TOX3: variants seen among roughly 807,000 people sequenced by gnomAD.
TOX3 encodes CAG trinucleotide repeat-containing gene F9 protein.
Under a neutral mutation model 64.3 loss-of-function variants are expected in TOX3, and 22 were observed. That is an observed-to-expected ratio of 0.34 (90% CI 0.24 to 0.49). The LOEUF is 0.49. TOX3 is among the 20% of genes least tolerant of loss of function. The pLI is 0.99. For missense variants in TOX3, 661 were observed against 714.4 expected (o/e 0.93, Z 0.85); for synonymous variants, 291 against 273.6 (o/e 1.06, Z -0.63).
intron 3 of TOX3, among the ~76,000 whole-genome samples, chr16:52,457,392 C>T (rs1016054306): frequency 2.0e-5 from 3 of 152,078 alleles, no homozygotes; most frequent in Non-Finnish European, 4.4e-5. Context: ...AATGCATCTT[C>T]TATCTATACT....
chr16:52,541,107 G>A (rs759481051), intron 1 of TOX3, among the ~76,000 whole-genome samples: 25 of 152,036 alleles, frequency 1.6e-4, no homozygotes, highest in Non-Finnish European at 3.2e-4. Flanking sequence ...GCCCAGCCCT[G>A]GGCCCATGAA....
chr16:52,470,704 C>T (rs975105016), intron 1 of TOX3, among the ~76,000 whole-genome samples: 5 of 152,246 alleles, frequency 3.3e-5, no homozygotes, highest in Non-Finnish European at 5.9e-5. Context: ...ACACTGGCAC[C>T]GCAGTGCACA....
chr16:52,466,288 G>A (rs1250021572), intron 2 of TOX3, among the ~76,000 whole-genome samples: 5 of 152,106 alleles, frequency 3.3e-5, no homozygotes, highest in Admixed American at 1.3e-4. Context: ...TCATGACACA[G>A]ATAGAAAACA....
chr16:52,502,053 G>C (rs1408313328), intron 1 of TOX3, among the ~76,000 whole-genome samples: 1 of 152,160 alleles, frequency 6.6e-6, no homozygotes, highest in East Asian at 1.9e-4. Flanking sequence ...GATTTCCCAG[G>C]TGGCTTAGTA....
At chr16:52,532,068 C>T (rs948041747) in intron 1 of TOX3, among the ~76,000 whole-genome samples, 20 of 152,148 alleles carry the variant, frequency 1.3e-4, no homozygotes, top group South Asian at 4.2e-4. Flanking sequence ...TTTGAACTGA[C>T]GGCAGACAGG....
chr16:52,523,681 C>T (rs778155214), intron 1 of TOX3, among the ~76,000 whole-genome samples: 1 of 152,146 alleles, frequency 6.6e-6, no homozygotes, highest in Non-Finnish European at 1.5e-5. Flanking sequence ...AACTAATACT[C>T]TATTTCACTG....
chr16:52,489,574 G>T lies in TOX3; in HGVS notation c.88-21000C>A, dbSNP rs570344018. 2.6e-5 allele frequency among the ~76,000 whole-genome samples: 4 copies of T among 152,146 alleles called. No homozygotes were observed. In the South Asian group the frequency reaches 8.3e-4, roughly 32 times the overall value. ...GCCAGTGGTCTTATCCCCTGGAAAG[G>T]TTCTCAGCTTCTTCTTAACACATCC... On this transcript the variant is annotated intron_variant, in intron 1 of 6. Transcript: ENST00000219746.
At chr16:52,523,673 C>T (rs1962662531) in intron 1 of TOX3, among the ~76,000 whole-genome samples, 1 of 152,142 alleles carries the variant, frequency 6.6e-6, no homozygotes, top group Non-Finnish European at 1.5e-5. Context: ...ATACTGCAAA[C>T]TAATACTCTA....
chr16:52,522,004 C>T (rs985937548), intron 1 of TOX3, among the ~76,000 whole-genome samples: 6 of 152,156 alleles, frequency 3.9e-5, no homozygotes, highest in African/African-American at 1.2e-4. Flanking sequence ...CTTCCATTTC[C>T]GTTTCTGTTA....
chr16:52,444,981 G>T (rs1005231460), intron 5 of TOX3: 1 of 152,142 alleles, frequency 6.6e-6, no homozygotes, highest in African/African-American at 2.4e-5. Flanking sequence ...ACATGATTTG[G>T]GCTTCTCCTT....
chr16:52,475,992 A>T (rs945291234), intron 1 of TOX3, among the ~76,000 whole-genome samples: 16 of 152,124 alleles, frequency 1.1e-4, no homozygotes, highest in Non-Finnish European at 2.1e-4. Context: ...TCCTTTTTTT[A>T]AAATAAACAT....
chr16:52,456,969 A>C (rs1331314236), intron 3 of TOX3, among the ~76,000 whole-genome samples: 3 of 152,198 alleles, frequency 2.0e-5, no homozygotes, highest in African/African-American at 7.2e-5. Context: ...GAAAGGTGAA[A>C]AACTTCCTTA....
chr16:52,485,271 T>TATATATATATAC (rs1438971784), intron 1 of TOX3, among the ~76,000 whole-genome samples: 159 of 145,562 alleles, frequency 1.1e-3, no homozygotes, highest in African/African-American at 3.9e-3. Flanking sequence ...TATATATATA[T>TATATATATATAC]ACATATCTCC....
At chr16:52,471,282 T>C (rs1429131903) in intron 1 of TOX3, among the ~76,000 whole-genome samples, 2 of 152,180 alleles carry the variant, frequency 1.3e-5, no homozygotes, top group Non-Finnish European at 2.9e-5. Flanking sequence ...GTATTTTCAT[T>C]TGATTACCTT....
At chr16:52,440,822 G>A (rs985590498) in intron 6 of TOX3, among the ~76,000 whole-genome samples, 18 of 140,852 alleles carry the variant, frequency 1.3e-4, no homozygotes, top group African/African-American at 3.2e-4. Context: ...GTGCAGCGGC[G>A]CGATCTCAGC....
chr16:52,492,388 TCAA>T (rs1209678721), intron 1 of TOX3, among the ~76,000 whole-genome samples: 5 of 145,442 alleles, frequency 3.4e-5, no homozygotes, highest in African/African-American at 5.0e-5. Flanking sequence ...CATCCCATCA[TCAA>T]CAATTATCAA....
chr16:52,470,299 C>G (rs544701475), intron 1 of TOX3, among the ~76,000 whole-genome samples: 18 of 152,276 alleles, frequency 1.2e-4, no homozygotes, highest in Non-Finnish European at 2.4e-4. Flanking sequence ...AACCTGGGCT[C>G]GAGATGAGTA....
chr16:52,501,684 A>AC (rs11427470), intron 1 of TOX3, among the ~76,000 whole-genome samples: 2,312 of 151,972 alleles, frequency 0.015, 81 homozygotes, highest in African/African-American at 0.053. Flanking sequence ...AAACAAACAA[A>AC]AAAAAAAACA....
chr16:52,486,913 G>A (rs917793428), intron 1 of TOX3, among the ~76,000 whole-genome samples: 1 of 152,026 alleles, frequency 6.6e-6, no homozygotes, highest in Non-Finnish European at 1.5e-5. Flanking sequence ...TCCAGCCTGA[G>A]CAACAAAGCG....
Sources: gnomAD v4.1 joint callset for allele counts (sites outside exome capture counted in the v4.1 genomes callset) on GRCh38, gnomAD v4.1.1 for gene constraint, MANE v1.5 for transcripts, NCBI Gene and HGNC (gene_info 2026-07-23, HGNC 2026-07-21) for gene names.